OSTF1: variants seen among roughly 807,000 people sequenced by gnomAD.
OSTF1 encodes osteoclast stimulating factor 1.
Under a neutral mutation model 37.2 loss-of-function variants are expected in OSTF1, and 27 were observed. That is an observed-to-expected ratio of 0.73 (90% CI 0.54 to 1.00). The LOEUF (loss-of-function observed/expected upper bound fraction) is 1.00, where lower values mean the gene tolerates loss of function less well. OSTF1 is among the 50% of genes least tolerant of loss of function. The pLI is 0.00. For synonymous variants in OSTF1, 82 were observed against 89.2 expected (o/e 0.92, Z 0.46); for missense variants, 232 against 253.8 (o/e 0.91, Z 0.58).
At chr9:75,130,724 G>A (rs1208141219) in intron 4 of OSTF1, 83 bp downstream of exon 4, 3 of 844,292 alleles carry the variant, frequency 3.6e-6, no homozygotes, top group Non-Finnish European at 6.2e-6. Context: ...TGCTACTGTG[G>A]CTGAGAAAGC....
At chr9:75,100,612 TC>T (rs1825174083) in intron 1 of OSTF1, among the ~76,000 whole-genome samples, 1 of 151,518 alleles carries the variant, frequency 6.6e-6, no homozygotes, top group South Asian at 2.1e-4. Context: ...ATGTCTGTAA[TC>T]CCAGCTACTC....
chr9:75,091,373 T>G (rs910957486), intron 1 of OSTF1, among the ~76,000 whole-genome samples: 1 of 152,164 alleles, frequency 6.6e-6, no homozygotes, highest in Non-Finnish European at 1.5e-5. Flanking sequence ...AAGTCTGCAC[T>G]CTTAACCATT....
intron 2 of OSTF1, among the ~76,000 whole-genome samples, chr9:75,118,501 G>A (rs771872107): frequency 6.6e-5 from 10 of 152,222 alleles, no homozygotes; most frequent in Non-Finnish European, 1.0e-4. Context: ...TTTTGATACA[G>A]GAGTGACTAG....
Position 75,131,797 on chromosome 9 carries a change from A to G in OSTF1, c.224A>G (p.Asn75Ser), listed in dbSNP as rs768649702. The G allele has an allele frequency of 1.2e-5, 19 of 1,613,544 alleles. No individual in the cohort carries two copies. Among genetic ancestry groups the G allele is most frequent in the Non-Finnish European group, 1.4e-5 (16 of 1,179,702 alleles). Residue 75 changes from asparagine to serine, a missense_variant, in exon 5 of 10, where the codon AAT becomes AGT. Transcript: ENST00000346234. The part of the protein sequence containing the change: ...YVAEQAESID[N>S]PLHEAAKRGN... ...GCTGAGCAGGCAGAATCCATTGACA[A>G]TCCATTGCATGAAGCAGCAAAAAGA... is the stretch of plus-strand genomic sequence containing the variant.
intron 1 of OSTF1, among the ~76,000 whole-genome samples, chr9:75,100,773 G>A (rs1157859006): frequency 6.6e-6 from 1 of 151,978 alleles, no homozygotes; most frequent in South Asian, 2.1e-4. Context: ...AACCTCAGGG[G>A]TAGGTCTGAC....
chr9:75,110,964 C>T (rs555896022), intron 1 of OSTF1, among the ~76,000 whole-genome samples: 15 of 152,252 alleles, frequency 9.9e-5, no homozygotes, highest in African/African-American at 3.6e-4. Context: ...AAGCAGTCCT[C>T]CACTTTGGCC....
At chr9:75,135,485 C>T (rs921823926) in intron 7 of OSTF1, among the ~76,000 whole-genome samples, 2 of 151,958 alleles carry the variant, frequency 1.3e-5, no homozygotes, top group African/African-American at 4.8e-5. Context: ...TTTTATCTGA[C>T]CCTTCTTTGT....
rs1204423484 is a variant in OSTF1 at position 75,136,323 on chromosome 9, T to G, written c.409-1215T>G. On this transcript the variant is annotated intron_variant, in intron 7 of 9. Transcript: ENST00000346234. ...GTTTTTTCCCTTTGAGATCCATTTA[T>G]TTTGTTTGTTTTGGTCTTTACTAAA... Among the ~76,000 whole-genome samples the G allele has an allele frequency of 5.3e-5, 8 of 152,216 alleles. No homozygotes were observed. In the East Asian group the frequency reaches 1.5e-3, roughly 29 times the overall value.
At chr9:75,129,332 A>G (rs1232497294) in intron 3 of OSTF1, among the ~76,000 whole-genome samples, 2 of 152,172 alleles carry the variant, frequency 1.3e-5, no homozygotes, top group Non-Finnish European at 1.5e-5. Context: ...TTTCTTTATG[A>G]ATTTCTTACC....
intron 1 of OSTF1, among the ~76,000 whole-genome samples, chr9:75,093,064 C>CTTTTTTTTTTTT (rs1043919048): frequency 3.5e-5 from 4 of 112,858 alleles, no homozygotes; most frequent in African/African-American, 1.3e-4. Context: ...TTCTTTCTTT[C>CTTTTTTTTTTTT]TTTTTTTTTT....
chr9:75,121,022 A>G (rs1825572697), intron 2 of OSTF1, among the ~76,000 whole-genome samples: 1 of 152,226 alleles, frequency 6.6e-6, no homozygotes, highest in South Asian at 2.1e-4. Flanking sequence ...ACAGCGTCTG[A>G]GGAAGCAGGG....
At chr9:75,090,126 A>G (rs1824937614) in intron 1 of OSTF1, among the ~76,000 whole-genome samples, 1 of 152,236 alleles carries the variant, frequency 6.6e-6, no homozygotes, top group South Asian at 2.1e-4. Flanking sequence ...CAGGACCTTA[A>G]GTATCTAACA....
At chr9:75,094,113 T>C (rs1271868796) in intron 1 of OSTF1, among the ~76,000 whole-genome samples, 2 of 152,226 alleles carry the variant, frequency 1.3e-5, no homozygotes, top group African/African-American at 4.8e-5. Context: ...ATTGAGTCCA[T>C]GCATATGAGC....
At chr9:75,128,389 TATATATATATATATATATTTTGTCC>T (rs1825696880) in intron 3 of OSTF1, among the ~76,000 whole-genome samples, 1 of 98,220 alleles carries the variant, frequency 1.0e-5, no homozygotes, top group Non-Finnish European at 2.0e-5. Context: ...TATATATATA[TATATATATATATATATATTTTGTCC>T]ATATATATAT....
intron 1 of OSTF1, among the ~76,000 whole-genome samples, chr9:75,099,201 G>A (rs1028574723): frequency 6.6e-6 from 1 of 151,770 alleles, no homozygotes; most frequent in Non-Finnish European, 1.5e-5. Context: ...GCCTCCCAAA[G>A]TGCTGGGATT....
At chr9:75,093,040 T>C (rs866260270) in intron 1 of OSTF1, among the ~76,000 whole-genome samples, 17 of 145,564 alleles carry the variant, frequency 1.2e-4, no homozygotes, top group African/African-American at 3.6e-4. Flanking sequence ...CTTTCTTTCT[T>C]TCTCTCTCTC....
Position 75,147,033 on chromosome 9 carries a change from A to ATT in OSTF1, c.*313_*314dup, listed in dbSNP as rs34855201. 29,070 of 107,862 alleles carry ATT rather than the reference A, an allele frequency of 0.27. 3,117 individuals are homozygous for ATT. The highest frequency in any genetic ancestry group is 0.34 in the Middle Eastern group (55 of 160). The allele number at this position is 107,862 out of a possible 1,614,324, so 6.7% of individuals were successfully genotyped here. A position where few individuals can be genotyped will look rare whatever the true frequency, so the allele number is the denominator to read the frequency against. ...TTTTTTTCTTTAAAAACAAATTAGG[A>ATT]TTTTTTTTTTTTTTTTTTTTTTAGT... is the stretch of plus-strand genomic sequence containing the variant. On this transcript the variant is annotated 3_prime_UTR_variant, in exon 10 of 10. Coordinates refer to ENST00000346234, the MANE Select transcript of OSTF1 (RefSeq NM_012383.5).
intron 1 of OSTF1, among the ~76,000 whole-genome samples, chr9:75,101,842 C>CAAA (rs1179947036): frequency 6.6e-6 from 1 of 152,144 alleles, no homozygotes; most frequent in Non-Finnish European, 1.5e-5. Flanking sequence ...TTGTGTATAT[C>CAAA]CTGGTCTCTG....
At chr9:75,118,467 G>C (rs931843721) in intron 2 of OSTF1, among the ~76,000 whole-genome samples, 1 of 152,150 alleles carries the variant, frequency 6.6e-6, no homozygotes, top group Admixed American at 6.5e-5. Context: ...TTTGCTCTGG[G>C]TAAGATTGGA....
Sources: gnomAD v4.1 joint callset for allele counts (sites outside exome capture counted in the v4.1 genomes callset) on GRCh38, gnomAD v4.1.1 for gene constraint, MANE v1.5 for transcripts, NCBI Gene and HGNC (gene_info 2026-07-23, HGNC 2026-07-21) for gene names.